Variants in PIK3C2G observed in about 807,000 individuals in gnomAD.
PIK3C2G encodes phosphatidylinositol-4-phosphate 3-kinase catalytic subunit type 2 gamma.
PIK3C2G carries 168 observed loss-of-function variants against 181.1 expected under a neutral mutation model. The ratio of observed to expected loss-of-function variants is 0.93; its 90% CI spans 0.82 to 1.05. The LOEUF (loss-of-function observed/expected upper bound fraction) is 1.05, where lower values mean the gene tolerates loss of function less well. Among genes scored for constraint, PIK3C2G ranks in the 50% least tolerant of loss-of-function variants. The pLI, the probability that PIK3C2G is intolerant of heterozygous loss-of-function variation, is 0.00. For missense variants in PIK3C2G, 1,869 were observed against 1,732.8 expected (o/e 1.08, Z -1.40); for synonymous variants, 573 against 592.2 (o/e 0.97, Z 0.47).
intron 1 of PIK3C2G, 27 bp downstream of exon 1, chr12:18,261,604 C>T (rs1948236238): frequency 6.6e-6 from 1 of 151,998 alleles, no homozygotes; most frequent in African/African-American, 2.4e-5. Flanking sequence ...AATAAACTTC[C>T]TATACTTAAC....
chr12:18,389,573 A>G (rs952547968), intron 14 of PIK3C2G, among the ~76,000 whole-genome samples: 2 of 152,202 alleles, frequency 1.3e-5, no homozygotes, highest in Admixed American at 6.5e-5. Context: ...GATATTACTT[A>G]TATCTTTCAT....
At position 18,505,436 on chromosome 12, in the gene PIK3C2G, G is replaced by A; in HGVS notation, c.3298G>A (p.Ala1100Thr). 6.2e-7 allele frequency: 1 copy of A among 1,613,126 alleles called. No individual in the cohort carries two copies. Among genetic ancestry groups the A allele is most frequent in the Non-Finnish European group, 8.5e-7 (1 of 1,179,482 alleles). ...TGACTTTGGAAAATTCTTAGGTCATGCACAAACATTTGGAGGGATAAAAAG... is the reference window on the plus strand; with the variant it reads ...TGACTTTGGAAAATTCTTAGGTCATACACAAACATTTGGAGGGATAAAAAG... Reference protein sequence around the residue: ...HIDFGKFLGHAQTFGGIKRDR... With the variant: ...HIDFGKFLGHTQTFGGIKRDR... The change falls in exon 24 of 33, where the codon GCA becomes ACA. Residue 1100 changes from alanine to threonine, a missense_variant. Ala to Thr is a moderately conservative substitution (Grantham distance 58). Transcript: ENST00000538779.
intron 1 of PIK3C2G, among the ~76,000 whole-genome samples, chr12:18,255,205 A>C (rs1458415648): frequency 1.4e-5 from 2 of 145,210 alleles, no homozygotes; most frequent in Non-Finnish European, 3.0e-5. Flanking sequence ...AATGAGTGAA[A>C]CTCCGTCTCA....
chr12:18,250,835 A>G (rs1281829711), intron 1 of PIK3C2G, among the ~76,000 whole-genome samples: 1 of 152,060 alleles, frequency 6.6e-6, no homozygotes, highest in Admixed American at 6.5e-5. Flanking sequence ...ATTTATCTAT[A>G]AATGCATTTG....
chr12:18,340,235 T>C (rs1938999966), intron 9 of PIK3C2G, among the ~76,000 whole-genome samples: 1 of 152,108 alleles, frequency 6.6e-6, no homozygotes, highest in Non-Finnish European at 1.5e-5. Flanking sequence ...TTGGAAGAAT[T>C]GTCTTGGGCC....
chr12:18,606,625 T>C (rs1328167614), intron 30 of PIK3C2G, among the ~76,000 whole-genome samples: 1 of 152,068 alleles, frequency 6.6e-6, no homozygotes, highest in African/African-American at 2.4e-5. Flanking sequence ...CAAATAAACA[T>C]GTAGAAGGCT....
At chr12:18,685,620 A>C in the PIK3C2G span, 6 of 516,438 alleles carry the variant, frequency 1.2e-5, no homozygotes, top group African/African-American at 1.2e-4. Context: ...ATAGTAAACT[A>C]ATTGGCTCAT....
At chr12:18,650,742 A>G (rs1243344376), downstream of PIK3C2G, among the ~76,000 whole-genome samples, 2,837 of 38,302 alleles carry the variant, frequency 0.074, 137 homozygotes, top group African/African-American at 0.11. Context: ...ATATATATAT[A>G]TATATATATA....
chr12:18,696,659 C>G, the PIK3C2G span, among the ~76,000 whole-genome samples: 72,624 of 151,602 alleles, frequency 0.48, 18,605 homozygotes, highest in African/African-American at 0.66. Flanking sequence ...TATTTTTCCA[C>G]TTTGATTTTC....
chr12:18,343,570 T>C (rs954463769), intron 10 of PIK3C2G, among the ~76,000 whole-genome samples: 1 of 151,906 alleles, frequency 6.6e-6, no homozygotes, highest in Non-Finnish European at 1.5e-5. Context: ...GGAATAAAAA[T>C]CTGCACTCTC....
chr12:18,654,404 T>TTAAAATTTA, the PIK3C2G span, among the ~76,000 whole-genome samples: 1 of 148,776 alleles, frequency 6.7e-6, no homozygotes, highest in Non-Finnish European at 1.5e-5. Context: ...AAACTCCTCT[T>TTAAAATTTA]AAAGTATCAG....
At chr12:18,655,587 A>G in the PIK3C2G span, among the ~76,000 whole-genome samples, 2 of 152,174 alleles carry the variant, frequency 1.3e-5, no homozygotes, top group African/African-American at 4.8e-5. Context: ...GATTAACTTT[A>G]TAGTAGAGAA....
chr12:18,614,804 C>T (rs767018383), intron 31 of PIK3C2G, among the ~76,000 whole-genome samples: 3 of 152,174 alleles, frequency 2.0e-5, no homozygotes, highest in Middle Eastern at 3.4e-3. Context: ...TGGGCATTTA[C>T]AGTCCAATAT....
chr12:18,283,336 GT>G (rs1437352096), intron 2 of PIK3C2G, among the ~76,000 whole-genome samples: 1 of 152,020 alleles, frequency 6.6e-6, no homozygotes, highest in Non-Finnish European at 1.5e-5. Context: ...AGTAACCAGA[GT>G]TTTTTCTGTA....
At chr12:18,359,650 A>G (rs752342024) in intron 11 of PIK3C2G, among the ~76,000 whole-genome samples, 5 of 152,164 alleles carry the variant, frequency 3.3e-5, no homozygotes, top group Non-Finnish European at 7.3e-5. Context: ...GTACAGATAT[A>G]TTTAAAATTC....
the PIK3C2G span, among the ~76,000 whole-genome samples, chr12:18,714,256 G>T: frequency 1.3e-5 from 2 of 152,246 alleles, no homozygotes; most frequent in Non-Finnish European, 2.9e-5. Context: ...TTGCATAGTT[G>T]TTCCTATTAC....
At chr12:18,394,889 C>T (rs1475546716) in intron 15 of PIK3C2G, among the ~76,000 whole-genome samples, 2 of 151,474 alleles carry the variant, frequency 1.3e-5, no homozygotes, top group African/African-American at 4.8e-5. Flanking sequence ...AAGGAGATGG[C>T]CAAATTTTAC....
intron 1 of PIK3C2G, among the ~76,000 whole-genome samples, chr12:18,281,729 T>A (rs1458305769): frequency 6.6e-6 from 1 of 152,090 alleles, no homozygotes; most frequent in Non-Finnish European, 1.5e-5. Context: ...AAAGAGAATA[T>A]TGACTTTGAA....
At chr12:18,696,710 C>T in the PIK3C2G span, among the ~76,000 whole-genome samples, 22,066 of 151,934 alleles carry the variant, frequency 0.15, 1,693 homozygotes, top group Middle Eastern at 0.17. Flanking sequence ...CAAAGCTATA[C>T]GATTCCAGCT....
Sources: allele counts gnomAD v4.1 joint callset (sites outside exome capture counted in the v4.1 genomes callset), GRCh38; gene constraint gnomAD v4.1.1; transcripts MANE v1.5; gene names NCBI Gene and HGNC (gene_info 2026-07-23, HGNC 2026-07-21).